The following ELAPOR1 variants were observed in gnomAD, a reference collection of about 807,000 sequenced individuals.
ELAPOR1 encodes the protein endosome/lysosome-associated apoptosis and autophagy regulator 1.
In ELAPOR1, 77 loss-of-function variants were observed where a neutral mutation model predicts 119.7. That is an observed-to-expected ratio of 0.64 (90% CI 0.54 to 0.78). The LOEUF (loss-of-function observed/expected upper bound fraction) is 0.78, where lower values mean the gene tolerates loss of function less well. ELAPOR1 is among the 30% of genes least tolerant of loss of function. ELAPOR1 has a pLI of 0.00. For synonymous variants in ELAPOR1, 481 were observed against 487.2 expected (o/e 0.99, Z 0.17); for missense variants, 1,115 against 1,270.4 (o/e 0.88, Z 1.86).
chr1:109,175,217 G>A (rs1430111436), intron 7 of ELAPOR1, among the ~76,000 whole-genome samples: 7 of 150,596 alleles, frequency 4.6e-5, no homozygotes, highest in South Asian at 2.1e-4. Flanking sequence ...TTTTTGAGAC[G>A]GAGTTTCACT....
rs1220194062 is a variant in ELAPOR1 at position 109,198,031 on chromosome 1, C to T, written c.2355C>T (p.Phe785=). The T allele has an allele frequency of 8.7e-6, 14 of 1,614,076 alleles. No homozygotes were observed. Among genetic ancestry groups the T allele is most frequent in the East Asian group, 2.2e-5 (1 of 44,878 alleles). Residue 785 remains phenylalanine (F), a synonymous_variant, in exon 17 of 22, where the codon TTC becomes TTT. Coordinates refer to ENST00000369939, the MANE Select transcript of ELAPOR1 (RefSeq NM_020775.5). The part of the protein sequence containing the change: ...LDGITSPAEL[F]HLESLGIPDV... ...GAATCACCTCCCCAGCTGAACTTTT[C>T]CACCTGGAGTCCTTGGGAATACCGG...
chr1:109,154,296 A>AG (rs1282949365), intron 1 of ELAPOR1, among the ~76,000 whole-genome samples: 45 of 151,822 alleles, frequency 3.0e-4, no homozygotes, highest in African/African-American at 1.1e-3. Context: ...AAAAAAAAAA[A>AG]AAAAAAAGAA....
chr1:109,181,349 C>T (rs565151489), intron 7 of ELAPOR1, among the ~76,000 whole-genome samples: 1 of 152,272 alleles, frequency 6.6e-6, no homozygotes, highest in East Asian at 1.9e-4. Flanking sequence ...CAGGGCCAAT[C>T]CTACTTAAGT....
chr1:109,198,719 A>G, intron 18 of ELAPOR1, 45 bp downstream of exon 18: 12 of 1,503,368 alleles, frequency 8.0e-6, no homozygotes, highest in Non-Finnish European at 1.1e-5. Flanking sequence ...ATCTCCCTTG[A>G]AGTCATTCCA....
At chr1:109,155,924 C>A (rs575216395) in intron 1 of ELAPOR1, among the ~76,000 whole-genome samples, 49 of 152,260 alleles carry the variant, frequency 3.2e-4, no homozygotes, top group African/African-American at 1.2e-3. Flanking sequence ...GGAAGGATTG[C>A]TTGAGTCCAG....
chr1:109,176,508 C>T (rs1207452686), intron 7 of ELAPOR1, among the ~76,000 whole-genome samples: 1 of 152,120 alleles, frequency 6.6e-6, no homozygotes, highest in East Asian at 1.9e-4. Context: ...AGACCAGCCA[C>T]TGACCTTGTG....
intron 8 of ELAPOR1, 52 bp downstream of exon 8, chr1:109,185,185 T>G: frequency 3.6e-6 from 5 of 1,380,816 alleles, no homozygotes; most frequent in Non-Finnish European, 5.2e-6. Context: ...TGTCTCCCAC[T>G]CCCTGAGGTT....
chr1:109,125,477 C>T (rs1648713588), intron 1 of ELAPOR1, among the ~76,000 whole-genome samples: 1 of 151,632 alleles, frequency 6.6e-6, no homozygotes, highest in Admixed American at 6.6e-5. Context: ...ACTACAACCT[C>T]CGCCTCCCGG....
intron 11 of ELAPOR1, among the ~76,000 whole-genome samples, chr1:109,190,776 CTCTT>C (rs1488464912): frequency 1.3e-5 from 2 of 152,230 alleles, no homozygotes; most frequent in Non-Finnish European, 2.9e-5. Flanking sequence ...GCATGGCTCT[CTCTT>C]TCCCAAAAGT....
At chr1:109,136,214 A>G (rs966227264) in intron 1 of ELAPOR1, among the ~76,000 whole-genome samples, 1 of 152,142 alleles carries the variant, frequency 6.6e-6, no homozygotes, top group Non-Finnish European at 1.5e-5. Context: ...GTCTTTGCGG[A>G]TGTAGTCAAG....
intron 17 of ELAPOR1, 35 bp downstream of exon 17, chr1:109,198,110 C>T (rs559531185): frequency 6.7e-7 from 1 of 1,498,962 alleles, no homozygotes; most frequent in Admixed American, 1.7e-5. Flanking sequence ...GCAAGTGAAA[C>T]CTAGGACTCC....
intron 10 of ELAPOR1, 132 bp from the exon 11 acceptor site, chr1:109,189,460 C>G: frequency 1.2e-6 from 1 of 859,218 alleles, no homozygotes; most frequent in Non-Finnish European, 1.8e-6. Context: ...ATAAGTAACA[C>G]GGTTCATGTT....
chr1:109,187,044 C>T lies in ELAPOR1; in HGVS notation c.1042-1133C>T, dbSNP rs951899065. 3.0e-5 allele frequency: 30 copies of T among 985,440 alleles called. 1 individual carries two copies. Among genetic ancestry groups the T allele is most frequent in the Admixed American group, 1.8e-4 (3 of 16,272 alleles). 61.0% of individuals were successfully genotyped at this position (985,440 alleles called of 1,614,324 possible). On this transcript the variant is annotated intron_variant, in intron 8 of 21. Transcript: ENST00000369939. ...AGACTTCTGCTTTGTGCCTCATTCC[C>T]GCACTGGTTCTGCTCAGTCTGGTGA...
intron 7 of ELAPOR1, among the ~76,000 whole-genome samples, chr1:109,177,867 A>G (rs995375388): frequency 6.6e-6 from 1 of 151,960 alleles, no homozygotes. Context: ...GTTTTGATCA[A>G]CTCTGTGTAA....
chr1:109,172,569 G>GT lies in ELAPOR1; in HGVS notation c.696+2dup. On this transcript the variant is annotated splice_donor_variant, in intron 5 of 21. Coordinates refer to ENST00000369939, the MANE Select transcript of ELAPOR1 (RefSeq NM_020775.5). LOFTEE classifies it high-confidence loss of function. ...AGAGAAAGGATGGGAATTCCACAGT[G>GT]TGAGTATCACACCAGCCTTCTCCCA... is the stretch of plus-strand genomic sequence containing the variant. The GT allele has an allele frequency of 6.2e-7, 1 of 1,611,086 alleles. No homozygotes were observed. Among genetic ancestry groups the GT allele is most frequent in the South Asian group, 1.1e-5 (1 of 91,008 alleles).
intron 1 of ELAPOR1, among the ~76,000 whole-genome samples, chr1:109,159,838 A>G (rs562922988): frequency 3.9e-5 from 6 of 152,298 alleles, no homozygotes; most frequent in African/African-American, 1.4e-4. Context: ...CAGCATGAAT[A>G]TGTTCAGAAG....
At position 109,144,478 on chromosome 1, in the gene ELAPOR1, T is replaced by C. The variant is rs554675281; in HGVS notation, c.154-17416T>C. 4.1e-3 allele frequency among the ~76,000 whole-genome samples: 628 copies of C among 152,130 alleles called. 3 individuals carry two copies. The highest frequency in any genetic ancestry group is 5.9e-3 in the Non-Finnish European group (399 of 68,004). On this transcript the variant is annotated intron_variant, in intron 1 of 21. Coordinates refer to ENST00000369939, the MANE Select transcript of ELAPOR1 (RefSeq NM_020775.5). The stretch of plus-strand genomic sequence containing the variant: ...ATTCTAGGTAGGGTGCAGTGGCTCA[T>C]GCCTGTAATCCCAGCACTTTGGGAG...
At chr1:109,190,904 T>C (rs1046325063) in intron 11 of ELAPOR1, among the ~76,000 whole-genome samples, 8 of 152,186 alleles carry the variant, frequency 5.3e-5, no homozygotes, top group Non-Finnish European at 7.3e-5. Flanking sequence ...TACAGTCTTA[T>C]GATAGACGTG....
chr1:109,185,924 G>C (rs1377907922), intron 8 of ELAPOR1, among the ~76,000 whole-genome samples: 1 of 152,158 alleles, frequency 6.6e-6, no homozygotes, highest in Non-Finnish European at 1.5e-5. Context: ...TGCCAGGCAC[G>C]GTGCTAGGTG....
Sources: allele counts gnomAD v4.1 joint callset (sites outside exome capture counted in the v4.1 genomes callset), GRCh38; gene constraint gnomAD v4.1.1; transcripts MANE v1.5; gene names NCBI Gene and HGNC (gene_info 2026-07-23, HGNC 2026-07-21).